Variants in DAB1 observed in about 807,000 individuals in gnomAD.
DAB1 encodes the protein DAB adaptor protein 1, also known as disabled homolog 1.
Under a neutral mutation model 64.6 loss-of-function variants are expected in DAB1, and 15 were observed. The observed-to-expected ratio is 0.23, with a 90% CI of 0.16 to 0.36. The LOEUF is 0.36. Among genes scored for constraint, DAB1 ranks in the 10% least tolerant of loss-of-function variants. The pLI, the probability that DAB1 is intolerant of heterozygous loss-of-function variation, is 1.00. For synonymous variants in DAB1, 235 were observed against 251.9 expected (o/e 0.93, Z 0.64); for missense variants, 596 against 706.7 (o/e 0.84, Z 1.78).
chr1:57,707,142 C>T (rs1223839937), intron 6 of DAB1, among the ~76,000 whole-genome samples: 1 of 152,012 alleles, frequency 6.6e-6, no homozygotes, highest in Non-Finnish European at 1.5e-5. Context: ...AAAGACCATC[C>T]TCACGCCCTC....
chr1:57,555,577 T>C (rs557637609), intron 7 of DAB1, among the ~76,000 whole-genome samples: 2 of 152,212 alleles, frequency 1.3e-5, no homozygotes, highest in South Asian at 2.1e-4. Context: ...TCAGCAATGG[T>C]CATTTACACC....
chr1:57,918,482 C>A (rs1475678959), intron 5 of DAB1, among the ~76,000 whole-genome samples: 2 of 152,086 alleles, frequency 1.3e-5, no homozygotes, highest in East Asian at 3.9e-4. Flanking sequence ...CTCATAGGAA[C>A]TAATCCAGTC....
chr1:57,905,887 G>T (rs1365611550), intron 5 of DAB1, among the ~76,000 whole-genome samples: 2 of 152,200 alleles, frequency 1.3e-5, no homozygotes, highest in South Asian at 4.1e-4. Flanking sequence ...GAATGCCCCT[G>T]TTCACTTTGG....
intron 7 of DAB1, among the ~76,000 whole-genome samples, chr1:57,510,107 A>C (rs904326638): frequency 3.3e-5 from 5 of 152,104 alleles, no homozygotes; most frequent in African/African-American, 7.2e-5. Flanking sequence ...TAGCTGCCAA[A>C]TTTTAAAACA....
chr1:58,295,182 G>T (rs368963887), intron 4 of DAB1, among the ~76,000 whole-genome samples: 1 of 152,012 alleles, frequency 6.6e-6, no homozygotes, highest in Admixed American at 6.6e-5. Flanking sequence ...CCACTTGAGG[G>T]CAATGACTAT....
At chr1:58,363,623 G>A (rs868153797) in intron 3 of DAB1, among the ~76,000 whole-genome samples, 13 of 152,136 alleles carry the variant, frequency 8.5e-5, no homozygotes, top group African/African-American at 2.4e-4. Context: ...TTATTTGTCC[G>A]CTCCACAGCC....
intron 5 of DAB1, among the ~76,000 whole-genome samples, chr1:58,093,100 G>C (rs1315966600): frequency 6.6e-6 from 1 of 152,132 alleles, no homozygotes; most frequent in Admixed American, 6.5e-5. Flanking sequence ...TTTGCTGGGA[G>C]CGCCAGACTA....
At chr1:57,004,631 T>C (rs1335753302) in intron 14 of DAB1, among the ~76,000 whole-genome samples, 1 of 152,240 alleles carries the variant, frequency 6.6e-6, no homozygotes, top group African/African-American at 2.4e-5. Flanking sequence ...AGCCTCATGG[T>C]CTTTTAGCCC....
chr1:57,137,560 A>G (rs1025734241), intron 3 of DAB1, among the ~76,000 whole-genome samples: 3 of 134,720 alleles, frequency 2.2e-5, no homozygotes, highest in Non-Finnish European at 5.0e-5. Context: ...CGGGAGATAA[A>G]GACCTTTCAA....
chr1:58,404,309 A>G (rs1359546720), intron 3 of DAB1, among the ~76,000 whole-genome samples: 1 of 152,218 alleles, frequency 6.6e-6, no homozygotes, highest in African/African-American at 2.4e-5. Context: ...TGCCTCGAGG[A>G]TCAGCTTTCA....
chr1:57,257,631 T>C (rs1669867951), intron 2 of DAB1, among the ~76,000 whole-genome samples: 1 of 152,188 alleles, frequency 6.6e-6, no homozygotes. Flanking sequence ...CCCCCAAACT[T>C]GGTGGCCTAA....
At chr1:57,552,687 C>G (rs1012032284) in intron 7 of DAB1, among the ~76,000 whole-genome samples, 1 of 152,096 alleles carries the variant, frequency 6.6e-6, no homozygotes, top group Non-Finnish European at 1.5e-5. Context: ...TTTTAAGGAG[C>G]AGTGTAGTGA....
chr1:57,752,277 G>T (rs1648592892), intron 6 of DAB1, among the ~76,000 whole-genome samples: 1 of 152,186 alleles, frequency 6.6e-6, no homozygotes, highest in Non-Finnish European at 1.5e-5. Context: ...AACCCAAGGG[G>T]TTTGATTTTC....
intron 7 of DAB1, among the ~76,000 whole-genome samples, chr1:57,592,561 A>C (rs1245873411): frequency 6.6e-6 from 1 of 152,130 alleles, no homozygotes; most frequent in East Asian, 1.9e-4. Flanking sequence ...ACAATAGAAA[A>C]CCAAGTCAAA....
At chr1:57,891,900 G>A (rs943663655) in intron 5 of DAB1, among the ~76,000 whole-genome samples, 20 of 152,248 alleles carry the variant, frequency 1.3e-4, no homozygotes, top group East Asian at 1.2e-3. Flanking sequence ...TGTAGACGAC[G>A]GGTTGATGGG....
chr1:57,217,350 T>G (rs1237325673), intron 2 of DAB1, among the ~76,000 whole-genome samples: 1 of 152,166 alleles, frequency 6.6e-6, no homozygotes, highest in Admixed American at 6.5e-5. Context: ...TTGGTCAGCC[T>G]TATGGGGCCT....
At chr1:58,102,549 T>G (rs895464137) in intron 5 of DAB1, among the ~76,000 whole-genome samples, 2 of 152,188 alleles carry the variant, frequency 1.3e-5, no homozygotes, top group African/African-American at 4.8e-5. Flanking sequence ...TATCAAGATC[T>G]TAGATGATAG....
At chr1:58,097,013 G>A (rs773411492) in intron 5 of DAB1, among the ~76,000 whole-genome samples, 5 of 152,216 alleles carry the variant, frequency 3.3e-5, no homozygotes, top group Non-Finnish European at 5.9e-5. Context: ...ACACTGAAGT[G>A]GGCAGGCCTT....
At chr1:58,119,643 G>C (rs1652616116) in intron 5 of DAB1, among the ~76,000 whole-genome samples, 2 of 152,108 alleles carry the variant, frequency 1.3e-5, no homozygotes, top group Non-Finnish European at 2.9e-5. Context: ...CTGTTGGAGA[G>C]GAAAGCAGGC....
Sources: gnomAD v4.1 joint callset for allele counts (sites outside exome capture counted in the v4.1 genomes callset) on GRCh38, gnomAD v4.1.1 for gene constraint, MANE v1.5 for transcripts, NCBI Gene and HGNC (gene_info 2026-07-23, HGNC 2026-07-21) for gene names.